Variants in SLC16A5 observed in about 807,000 individuals in gnomAD.
SLC16A5 encodes the protein solute carrier family 16 member 5, also known as monocarboxylate transporter 6.
In SLC16A5, 29 loss-of-function variants were observed where a neutral mutation model predicts 33.2. The ratio of observed to expected loss-of-function variants is 0.87; its 90% confidence interval spans 0.65 to 1.19. The LOEUF (loss-of-function observed/expected upper bound fraction) is 1.19. SLC16A5 is among the 50% of genes most tolerant of loss of function. The probability of loss-of-function intolerance (pLI) is 0.00; values close to 1 mark genes in which losing one functional copy is unlikely to be tolerated. For synonymous variants in SLC16A5, 248 were observed against 284.1 expected, an observed-to-expected ratio of 0.87 and a Z score of 1.28; for missense variants, 606 against 678.2, an observed-to-expected ratio of 0.89 and a Z score of 1.18.
At chr17:75,104,831 G>C in intron 6 of SLC16A5, 2 of 985,348 alleles carry the variant, frequency 2.0e-6, no homozygotes, top group Non-Finnish European at 2.4e-6. Context: ...GGTACTCGGG[G>C]CCCAGGAACC....
At chr17:75,101,986 G>A (rs1234769333) in intron 5 of SLC16A5, among the ~76,000 whole-genome samples, 4 of 152,068 alleles carry the variant, frequency 2.6e-5, no homozygotes, top group African/African-American at 9.7e-5. Flanking sequence ...TACCTCCAAG[G>A]AAAGAGCTTA....
intron 6 of SLC16A5, chr17:75,105,607 T>C (rs563895813): frequency 2.2e-5 from 22 of 985,412 alleles, no homozygotes; most frequent in Non-Finnish European, 2.7e-5. Context: ...ACCCAGGGGC[T>C]GGCTGTCATC....
intron 3 of SLC16A5, among the ~76,000 whole-genome samples, chr17:75,097,324 A>T (rs1395409278): frequency 6.6e-6 from 1 of 151,716 alleles, no homozygotes; most frequent in Non-Finnish European, 1.5e-5. Flanking sequence ...GCTCTTTTCT[A>T]TTTTTTTGGG....
At chr17:75,109,507 T>A (rs543204729), downstream of SLC16A5, among the ~76,000 whole-genome samples, 42 of 152,274 alleles carry the variant, frequency 2.8e-4, no homozygotes, top group African/African-American at 1.0e-3. This position sits in a 1 kb window ranked among gnomAD's most constrained non-coding sequence, Gnocchi z 5.0. Context: ...CTCGACGTCC[T>A]CCAACATGGG....
intron 6 of SLC16A5, chr17:75,105,323 G>C: frequency 1.0e-6 from 1 of 985,458 alleles, no homozygotes; most frequent in Non-Finnish European, 1.2e-6. Context: ...TTAGTGCCAG[G>C]TGGGGGAAGC....
chr17:75,099,608 G>T (rs1443320509), intron 4 of SLC16A5, among the ~76,000 whole-genome samples: 1 of 151,538 alleles, frequency 6.6e-6, no homozygotes, highest in Non-Finnish European at 1.5e-5. Context: ...ACTAAGCCTG[G>T]CTAATTTTTT....
chr17:75,103,246 G>A (rs1021037651), intron 5 of SLC16A5, among the ~76,000 whole-genome samples: 3 of 151,726 alleles, frequency 2.0e-5, no homozygotes, highest in South Asian at 2.1e-4. Context: ...GGCTGGTCTC[G>A]AACTCCTGAC....
intron 2 of SLC16A5, among the ~76,000 whole-genome samples, chr17:75,090,524 G>A (rs926187200): frequency 7.4e-5 from 11 of 149,238 alleles, no homozygotes; most frequent in Admixed American, 3.4e-4. Flanking sequence ...GTAGTGATGC[G>A]ATCTTGGCTC....
At chr17:75,102,881 C>T (rs569609064) in intron 5 of SLC16A5, among the ~76,000 whole-genome samples, 2 of 145,860 alleles carry the variant, frequency 1.4e-5, no homozygotes, top group East Asian at 2.0e-4. Flanking sequence ...TACAGGCACG[C>T]GCCACACGCC....
downstream of SLC16A5, among the ~76,000 whole-genome samples, chr17:75,109,332 G>A (rs2073888073): frequency 6.6e-6 from 1 of 152,222 alleles, no homozygotes. The surrounding 1 kb of genome is among the most constrained non-coding windows in gnomAD (Gnocchi z 5.0). Context: ...GACCCACCTC[G>A]GGGCTGGGAT....
intron 4 of SLC16A5, 69 bp downstream of exon 4, chr17:75,098,250 C>T (rs1598150991): frequency 6.3e-7 from 1 of 1,584,710 alleles, no homozygotes. Flanking sequence ...GTGGACAGGG[C>T]AGGCAGGCCT....
downstream of SLC16A5, among the ~76,000 whole-genome samples, chr17:75,109,295 C>T (rs1276476421): frequency 6.6e-6 from 1 of 152,224 alleles, no homozygotes; most frequent in Non-Finnish European, 1.5e-5. This position sits in a 1 kb window ranked among gnomAD's most constrained non-coding sequence, Gnocchi z 5.0. Flanking sequence ...TGACCCAGTA[C>T]CCTTTGATTT....
At chr17:75,109,993 C>A, downstream of SLC16A5, 1 of 341,398 alleles carries the variant, frequency 2.9e-6, no homozygotes, top group South Asian at 4.1e-5. This position sits in a 1 kb window ranked among gnomAD's most constrained non-coding sequence, Gnocchi z 5.0. Flanking sequence ...GAGCCGGGGA[C>A]GGTGCGCCAG....
chr17:75,101,530 C>T (rs1278357271), intron 5 of SLC16A5, among the ~76,000 whole-genome samples: 1 of 137,902 alleles, frequency 7.3e-6, no homozygotes, highest in African/African-American at 2.7e-5. Flanking sequence ...CCACTGCACT[C>T]CAGCCTGGGT....
rs907756142 is a variant in SLC16A5, at chr17:75,106,136, A to T, written c.*103A>T. On this transcript the variant is annotated 3_prime_UTR_variant, in exon 7 of 7. Coordinates refer to ENST00000329783, the MANE Select transcript of SLC16A5 (RefSeq NM_004695.4). Reference sequence around the variant, plus strand: ...GGAGGTTACTTTGTTAGAGCAAAATAATAAAATTTAATTTTAAAAAAGAAA... The same window carrying T: ...GGAGGTTACTTTGTTAGAGCAAAATTATAAAATTTAATTTTAAAAAAGAAA... 1.6e-5 allele frequency: 8 copies of T among 514,904 alleles called. No homozygotes were observed. In the Admixed American group the frequency reaches 1.9e-4, roughly 12 times the overall value. 31.9% of individuals were successfully genotyped at this position (514,904 alleles called of 1,614,324 possible).
intron 6 of SLC16A5, 138 bp downstream of exon 6, chr17:75,104,318 T>C: frequency 6.8e-7 from 1 of 1,474,964 alleles, no homozygotes; most frequent in Non-Finnish European, 9.0e-7. Context: ...GGGTGAAGAG[T>C]AGCCCAGGAA....
chr17:75,096,144 T>C (rs1454870915), intron 3 of SLC16A5, among the ~76,000 whole-genome samples: 1 of 151,868 alleles, frequency 6.6e-6, no homozygotes, highest in East Asian at 1.9e-4. Context: ...GAATCATGGA[T>C]ACTTTCACTG....
chr17:75,093,908 T>A, intron 3 of SLC16A5, 73 bp downstream of exon 3: 1 of 1,545,308 alleles, frequency 6.5e-7, no homozygotes, highest in East Asian at 2.3e-5. Flanking sequence ...CCTGGCCTTC[T>A]GATTCCCTCT....
intron 3 of SLC16A5, among the ~76,000 whole-genome samples, chr17:75,095,143 C>G (rs1371159480): frequency 6.6e-6 from 1 of 152,242 alleles, no homozygotes; most frequent in Non-Finnish European, 1.5e-5. Flanking sequence ...CCTATTATTC[C>G]AGGTCCTGCC....
Sources: allele counts gnomAD v4.1 joint callset (sites outside exome capture counted in the v4.1 genomes callset), GRCh38; gene constraint gnomAD v4.1.1; non-coding constraint Gnocchi (gnomAD v3.1); transcripts MANE v1.5; gene names NCBI Gene and HGNC (gene_info 2026-07-23, HGNC 2026-07-21).